ATOSA: variants seen among roughly 807,000 people sequenced by gnomAD.
ATOSA encodes the protein atos homolog A.
the ATOSA span, among the ~76,000 whole-genome samples, chr15:52,703,800 C>G: frequency 3.3e-5 from 5 of 151,914 alleles, no homozygotes; most frequent in African/African-American, 1.2e-4. Context: ...ATGTAACAAA[C>G]CTTCACGTTG....
chr15:52,634,871 G>A, the ATOSA span, among the ~76,000 whole-genome samples: 1 of 151,950 alleles, frequency 6.6e-6, no homozygotes, highest in Non-Finnish European at 1.5e-5. Flanking sequence ...CAAAGTGCTG[G>A]GATTACAGGT....
the ATOSA span, among the ~76,000 whole-genome samples, chr15:52,583,338 G>T: frequency 6.6e-6 from 1 of 152,212 alleles, no homozygotes; most frequent in Non-Finnish European, 1.5e-5. Context: ...AGAGAGGGTT[G>T]AATCTTTTTC....
chr15:52,583,899 C>G, the ATOSA span, among the ~76,000 whole-genome samples: 1 of 151,824 alleles, frequency 6.6e-6, no homozygotes, highest in African/African-American at 2.4e-5. Context: ...GAATAATTAA[C>G]GGACTTTCAT....
the ATOSA span, chr15:52,609,318 C>T: frequency 3.2e-5 from 52 of 1,613,596 alleles, no homozygotes; most frequent in Non-Finnish European, 4.0e-5. Context: ...CCTTATTTTT[C>T]TTCAACAAAT....
the ATOSA span, among the ~76,000 whole-genome samples, chr15:52,593,251 T>C: frequency 6.6e-6 from 1 of 152,168 alleles, no homozygotes; most frequent in Non-Finnish European, 1.5e-5. Context: ...CAAAGCCTTG[T>C]AGGACTAGAG....
the ATOSA span, chr15:52,678,801 C>T: frequency 1.3e-5 from 2 of 153,180 alleles, no homozygotes; most frequent in East Asian, 3.8e-4. Context: ...CCGCCGCGGC[C>T]CCGGATTTCC....
the ATOSA span, among the ~76,000 whole-genome samples, chr15:52,674,729 G>C: frequency 6.6e-6 from 1 of 151,818 alleles, no homozygotes; most frequent in African/African-American, 2.4e-5. Context: ...AATAGCATTA[G>C]GTTATTAAAC....
At chr15:52,611,683 C>T in the ATOSA span, 1 of 1,613,900 alleles carries the variant, frequency 6.2e-7, no homozygotes, top group South Asian at 1.1e-5. Flanking sequence ...ATCGCTGTAG[C>T]AGCAGTCTGG....
At chr15:52,658,931 G>A in the ATOSA span, 1 of 396,326 alleles carries the variant, frequency 2.5e-6, no homozygotes, top group African/African-American at 2.1e-5. Flanking sequence ...GTTGCAGTGA[G>A]CCACGATTAA....
At chr15:52,585,268 A>C in the ATOSA span, 1 of 185,124 alleles carries the variant, frequency 5.4e-6, no homozygotes, top group Non-Finnish European at 1.1e-5. Context: ...AGCAAAATAC[A>C]TCCTTATTGG....
the ATOSA span, among the ~76,000 whole-genome samples, chr15:52,616,894 C>A: frequency 6.6e-6 from 1 of 152,098 alleles, no homozygotes; most frequent in East Asian, 1.9e-4. Context: ...TGTTCCAGTC[C>A]CTCATAAACC....
the ATOSA span, among the ~76,000 whole-genome samples, chr15:52,681,302 A>C: frequency 6.6e-6 from 1 of 152,328 alleles, no homozygotes; most frequent in Admixed American, 6.5e-5. Flanking sequence ...CATTTACTGA[A>C]TACTACCTGC....
At chr15:52,669,700 GA>G in the ATOSA span, among the ~76,000 whole-genome samples, 1 of 152,182 alleles carries the variant, frequency 6.6e-6, no homozygotes, top group African/African-American at 2.4e-5. Context: ...TCCCAAAGGG[GA>G]TATGTTTAAG....
the ATOSA span, among the ~76,000 whole-genome samples, chr15:52,684,619 AT>A: frequency 1.3e-5 from 2 of 152,082 alleles, no homozygotes; most frequent in Admixed American, 6.5e-5. Flanking sequence ...TATGAATCTA[AT>A]TTTTTTTACA....
At chr15:52,620,356 G>C in the ATOSA span, among the ~76,000 whole-genome samples, 1 of 152,256 alleles carries the variant, frequency 6.6e-6, no homozygotes, top group African/African-American at 2.4e-5. Flanking sequence ...AAAACCACAG[G>C]AGAGAGACCA....
At chr15:52,636,524 C>T in the ATOSA span, among the ~76,000 whole-genome samples, 1 of 152,114 alleles carries the variant, frequency 6.6e-6, no homozygotes, top group African/African-American at 2.4e-5. Flanking sequence ...TTTATATTAT[C>T]TTAAAAGATG....
chr15:52,620,016 C>T, the ATOSA span, among the ~76,000 whole-genome samples: 1 of 152,100 alleles, frequency 6.6e-6, no homozygotes, highest in Non-Finnish European at 1.5e-5. Context: ...GAGGATTGTG[C>T]TTGCACCAGG....
At chr15:52,691,199 C>G in the ATOSA span, among the ~76,000 whole-genome samples, 1 of 151,952 alleles carries the variant, frequency 6.6e-6, no homozygotes, top group Non-Finnish European at 1.5e-5. Context: ...TAAAAATGCT[C>G]TTATATTTTA....
At chr15:52,605,681 C>G in the ATOSA span, among the ~76,000 whole-genome samples, 1 of 151,980 alleles carries the variant, frequency 6.6e-6, no homozygotes, top group African/African-American at 2.4e-5. Flanking sequence ...CTGTAATATG[C>G]TGAATAAATT....
Sources: gnomAD v4.1 joint callset for allele counts (sites outside exome capture counted in the v4.1 genomes callset) on GRCh38, gnomAD v4.1.1 for gene constraint, MANE v1.5 for transcripts, NCBI Gene and HGNC (gene_info 2026-07-23, HGNC 2026-07-21) for gene names.